TERB2: variants seen among roughly 807,000 people sequenced by gnomAD.
The protein encoded by TERB2 is telomere repeat binding bouquet formation protein 2.
A neutral mutation model predicts 29.8 loss-of-function variants in TERB2; 26 were observed. That is an observed-to-expected ratio of 0.87 (90% confidence interval 0.64 to 1.21). The LOEUF is 1.21. Among genes scored for constraint, TERB2 ranks in the 50% most tolerant of loss-of-function variants. TERB2 has a pLI of 0.00. For missense variants in TERB2, 240 were observed against 268.6 expected (o/e 0.89, Z 0.74); for synonymous variants, 80 against 90.8 (o/e 0.88, Z 0.68).
chr15:44,957,475 T>A (rs1015185235), intron 2 of TERB2, among the ~76,000 whole-genome samples: 1 of 152,062 alleles, frequency 6.6e-6, no homozygotes, highest in Non-Finnish European at 1.5e-5. Context: ...TCATACTCAA[T>A]GTCTAAATCA....
chr15:44,976,849 G>A (rs949973482), intron 6 of TERB2, among the ~76,000 whole-genome samples: 4 of 152,112 alleles, frequency 2.6e-5, no homozygotes, highest in African/African-American at 9.7e-5. Flanking sequence ...GCTAACTGCA[G>A]ATCTTCTTCT....
In TERB2 at chr15:44,956,997, A is replaced by C. The variant is rs1468920784; in HGVS notation, c.146+20A>C. On this transcript the variant is annotated intron_variant, in intron 2 of 6. Transcript: ENST00000340827. ...GCTGAGGTACTGAGGGCGACCTGGC[A>C]GTGCCTCTTATGTTAGGATGAGCCG... The C allele has an allele frequency of 1.9e-6, 3 of 1,601,156 alleles. No homozygotes were observed. The highest frequency in any genetic ancestry group is 1.3e-5 in the African/African-American group (1 of 74,656).
chr15:44,964,890 A>G (rs1258668995), intron 4 of TERB2, among the ~76,000 whole-genome samples: 2 of 152,024 alleles, frequency 1.3e-5, no homozygotes, highest in African/African-American at 2.4e-5. Context: ...GGCTGGGCGC[A>G]GTGGGTCGCG....
chr15:44,968,587 T>A (rs1891922994), intron 5 of TERB2, among the ~76,000 whole-genome samples: 1 of 135,294 alleles, frequency 7.4e-6, no homozygotes, highest in Admixed American at 7.4e-5. Context: ...GTTTAACCTT[T>A]TTTTTTTTTT....
intron 3 of TERB2, among the ~76,000 whole-genome samples, chr15:44,958,904 T>C (rs896700019): frequency 9.9e-5 from 15 of 152,072 alleles, no homozygotes; most frequent in African/African-American, 2.2e-4. Flanking sequence ...ATAGGCCGGG[T>C]GCGGTAGGGC....
intron 5 of TERB2, among the ~76,000 whole-genome samples, 158 bp downstream of exon 5, chr15:44,966,401 A>G (rs549093018): frequency 2.8e-4 from 43 of 152,306 alleles, no homozygotes; most frequent in African/African-American, 1.0e-3. Context: ...GATTAGAAAG[A>G]TAAGCAATTT....
intron 2 of TERB2, among the ~76,000 whole-genome samples, chr15:44,957,666 C>A (rs1338492773): frequency 1.3e-5 from 2 of 152,094 alleles, no homozygotes; most frequent in Non-Finnish European, 2.9e-5. Flanking sequence ...CCGTTTTCGC[C>A]GGGACTATCA....
intron 6 of TERB2, among the ~76,000 whole-genome samples, chr15:44,975,717 C>A (rs1171364333): frequency 6.6e-6 from 1 of 151,648 alleles, no homozygotes; most frequent in East Asian, 1.9e-4. Context: ...CATCTCTCCC[C>A]CAGTTGTGAC....
intron 4 of TERB2, among the ~76,000 whole-genome samples, chr15:44,964,851 T>C: frequency 6.6e-6 from 1 of 152,052 alleles, no homozygotes; most frequent in East Asian, 1.9e-4. Flanking sequence ...ATTTAAGTTT[T>C]TATTTAAATA....
At chr15:44,958,224 G>A in intron 2 of TERB2, 149 bp from the exon 3 acceptor site, 1 of 936,220 alleles carries the variant, frequency 1.1e-6, no homozygotes, top group Admixed American at 3.3e-5. Context: ...TATGCCATAT[G>A]TTTTTCCTTC....
chr15:44,966,013 C>G, intron 4 of TERB2, 145 bp from the exon 5 acceptor site: 1 of 408,128 alleles, frequency 2.5e-6, no homozygotes, highest in Non-Finnish European at 4.3e-6. Flanking sequence ...CTTCACTCAG[C>G]TAGATTGAGT....
In TERB2 at chr15:44,966,140, T is replaced by A; in HGVS notation, c.349-18T>A. 6.9e-7 allele frequency: 1 copy of A among 1,451,474 alleles called. No homozygotes were observed. The highest frequency in any genetic ancestry group is 9.1e-7 in the Non-Finnish European group (1 of 1,096,136). The allele number at this position is 1,451,474 out of a possible 1,614,324, so 89.9% of individuals were successfully genotyped here. ...GTATGACGATTTTTTAAAATGTGATTTACTTTTCTATCCACAGCATGATGA... is the reference window on the plus strand; with the variant it reads ...GTATGACGATTTTTTAAAATGTGATATACTTTTCTATCCACAGCATGATGA... On this transcript the variant is annotated intron_variant, in intron 4 of 6. Coordinates refer to ENST00000340827, the MANE Select transcript of TERB2 (RefSeq NM_152448.3).
chr15:44,976,404 A>C (rs1892048075), intron 6 of TERB2, among the ~76,000 whole-genome samples: 1 of 152,134 alleles, frequency 6.6e-6, no homozygotes, highest in African/African-American at 2.4e-5. Context: ...GATTTTGGCC[A>C]AAGGCTTCAA....
chr15:44,961,483 A>G lies in TERB2; in HGVS notation c.287-40A>G, dbSNP rs1242046242. The G allele has an allele frequency of 8.8e-6, 13 of 1,483,364 alleles. No individual in the cohort carries two copies. In the South Asian group the frequency reaches 1.4e-4, roughly 16 times the overall value. The allele number at this position is 1,483,364 out of a possible 1,614,324, so 91.9% of individuals were successfully genotyped here. A position where few individuals can be genotyped will look rare whatever the true frequency, so the allele number is the denominator to read the frequency against. The stretch of plus-strand genomic sequence containing the variant: ...CAAAATTCAGAAGATTCTTAAAAAA[A>G]AAAACCAAAACAGTATTGGATTTGT... On this transcript the variant is annotated intron_variant, in intron 3 of 6. Coordinates refer to ENST00000340827, the MANE Select transcript of TERB2 (RefSeq NM_152448.3).
rs1891878617 is a variant in TERB2, at chr15:44,965,656, T to C, written c.349-502T>C. ...TATAAAGATATATATTTTATATCTTTATGTATATAGTGAAGCAAATACTTC... is the reference window on the plus strand; with the variant it reads ...TATAAAGATATATATTTTATATCTTCATGTATATAGTGAAGCAAATACTTC... On this transcript the variant is annotated intron_variant, in intron 4 of 6. Transcript: ENST00000340827. Among the ~76,000 whole-genome samples, 5 of 147,312 alleles carry C rather than the reference T, an allele frequency of 3.4e-5. No individual in the cohort carries two copies. The South Asian group carries it at 8.4e-4, about 25-fold the overall frequency.
rs569430190 is a variant in TERB2, at chr15:44,959,254, G to T, written c.286+742G>T. ...ATTTTTTCAGCAGCCCTAGGAAATAGGATGGGGAAGTAAATAAACTGCTTC... is the reference window on the plus strand; with the variant it reads ...ATTTTTTCAGCAGCCCTAGGAAATATGATGGGGAAGTAAATAAACTGCTTC... On this transcript the variant is annotated intron_variant, in intron 3 of 6. Transcript: ENST00000340827. Among the ~76,000 whole-genome samples, 9 of 152,230 alleles carry T rather than the reference G, an allele frequency of 5.9e-5. No homozygotes were observed. The South Asian group carries it at 1.9e-3, about 32-fold the overall frequency.
intron 6 of TERB2, among the ~76,000 whole-genome samples, chr15:44,974,707 GA>G (rs1892018769): frequency 6.6e-6 from 1 of 152,056 alleles, no homozygotes; most frequent in Admixed American, 6.6e-5. Context: ...TAAAAATAGA[GA>G]TTTTTTTAAA....
Position 44,978,599 on chromosome 15 carries a change from G to A in TERB2, c.634G>A (p.Ala212Thr). ...YHVQNEINMS[A>T]IKNKLKRK ...TGTTCAAAATGAAATTAATATGTCT[G>A]CTATAAAAAACAAATTGAAGAGGAA... The change falls in exon 7 of 7, where the codon GCT becomes ACT. Residue 212 changes from alanine (A) to threonine (T), a missense_variant. By Grantham distance (58) the Ala-to-Thr change is moderately conservative. Coordinates refer to ENST00000340827, the MANE Select transcript of TERB2 (RefSeq NM_152448.3). 6.3e-7 allele frequency: 1 copy of A among 1,597,424 alleles called. No individual in the cohort carries two copies. Among genetic ancestry groups the A allele is most frequent in the South Asian group, 1.1e-5 (1 of 87,132 alleles).
rs62026019 is a variant in TERB2 at position 44,963,746 on chromosome 15, A to G, written c.348+2162A>G. Among the ~76,000 whole-genome samples the G allele has an allele frequency of 6.6e-3, 988 of 150,304 alleles. 16 individuals are homozygous for G. Among genetic ancestry groups the G allele is most frequent in the African/African-American group, 0.023 (915 of 40,052 alleles). On this transcript the variant is annotated intron_variant, in intron 4 of 6. Coordinates refer to ENST00000340827, the MANE Select transcript of TERB2 (RefSeq NM_152448.3). Reference sequence around the variant, plus strand: ...AGAGAGAGGAGGCACTCAAGGTGTCAGAAATGTTAACACTTTGTGAATCTA... The same window carrying G: ...AGAGAGAGGAGGCACTCAAGGTGTCGGAAATGTTAACACTTTGTGAATCTA...
Sources: allele counts gnomAD v4.1 joint callset (sites outside exome capture counted in the v4.1 genomes callset), GRCh38; gene constraint gnomAD v4.1.1; transcripts MANE v1.5; gene names NCBI Gene and HGNC (gene_info 2026-07-23, HGNC 2026-07-21).